Variants in LRRTM4 observed in about 807,000 individuals in gnomAD.
LRRTM4 encodes leucine rich repeat transmembrane neuronal 4.
In LRRTM4, 25 loss-of-function variants were observed where a neutral mutation model predicts 47.6. The observed-to-expected ratio is 0.53, with a 90% CI of 0.38 to 0.73. The LOEUF (loss-of-function observed/expected upper bound fraction) is 0.73. LRRTM4 is among the 30% of genes least tolerant of loss of function. The pLI is 0.00. For missense variants in LRRTM4, 638 were observed against 713.4 expected, an observed-to-expected ratio of 0.89 and a Z score of 1.20; for synonymous variants, 311 against 269.5, an observed-to-expected ratio of 1.15 and a Z score of -1.51.
intron 3 of LRRTM4, among the ~76,000 whole-genome samples, chr2:77,139,122 A>T (rs963901815): frequency 2.0e-5 from 3 of 152,278 alleles, no homozygotes; most frequent in African/African-American, 4.8e-5. Context: ...AACACATTTT[A>T]TGAGGCCAGC....
intron 3 of LRRTM4, among the ~76,000 whole-genome samples, chr2:77,191,107 T>C (rs1270333696): frequency 6.6e-6 from 1 of 152,160 alleles, no homozygotes; most frequent in Non-Finnish European, 1.5e-5. Flanking sequence ...ACTGTAAGTT[T>C]TTAAAAACAT....
At chr2:76,923,141 T>G (rs565214005) in intron 3 of LRRTM4, among the ~76,000 whole-genome samples, 17 of 152,122 alleles carry the variant, frequency 1.1e-4, no homozygotes, top group Non-Finnish European at 2.2e-4. Context: ...TGTCTTTGTA[T>G]GTCTTTGTAT....
intron 3 of LRRTM4, among the ~76,000 whole-genome samples, chr2:76,805,076 T>C (rs1675902547): frequency 1.3e-5 from 2 of 152,142 alleles, no homozygotes; most frequent in Non-Finnish European, 2.9e-5. Flanking sequence ...TCAAAACCTC[T>C]TGAAAAGCTA....
intron 3 of LRRTM4, among the ~76,000 whole-genome samples, chr2:77,175,204 G>C (rs146098026): frequency 0.012 from 1,893 of 151,760 alleles, 40 homozygotes; most frequent in African/African-American, 0.044. Flanking sequence ...AGAATAGCTA[G>C]GATTACAGGT....
At chr2:77,424,824 G>A (rs1175818382) in intron 3 of LRRTM4, among the ~76,000 whole-genome samples, 1 of 152,092 alleles carries the variant, frequency 6.6e-6, no homozygotes, top group African/African-American at 2.4e-5. Context: ...ACTATATTTG[G>A]CTATAGACCC....
intron 3 of LRRTM4, among the ~76,000 whole-genome samples, chr2:76,851,958 T>C (rs1039318462): frequency 1.3e-5 from 2 of 152,118 alleles, no homozygotes; most frequent in Admixed American, 6.6e-5. Context: ...TTTATGATTC[T>C]TGAGTTTTAA....
intron 3 of LRRTM4, among the ~76,000 whole-genome samples, chr2:76,865,791 T>A (rs1033898777): frequency 7.9e-5 from 12 of 152,190 alleles, no homozygotes; most frequent in Non-Finnish European, 1.6e-4. Context: ...ATTGTTATCA[T>A]CTGATGGCCC....
intron 3 of LRRTM4, among the ~76,000 whole-genome samples, chr2:76,887,860 G>C (rs1377198063): frequency 6.6e-6 from 1 of 150,902 alleles, no homozygotes; most frequent in Non-Finnish European, 1.5e-5. Flanking sequence ...AAATTGTCAA[G>C]ACCAATAAAG....
chr2:76,985,575 C>CTGCTGAAAGGATG (rs1319079392), intron 3 of LRRTM4, among the ~76,000 whole-genome samples: 1 of 151,914 alleles, frequency 6.6e-6, no homozygotes, highest in Non-Finnish European at 1.5e-5. Context: ...AAGTTGCTAG[C>CTGCTGAAAGGATG]TGCTGAAAGG....
At chr2:77,096,157 A>C (rs1226952989) in intron 3 of LRRTM4, among the ~76,000 whole-genome samples, 1 of 151,844 alleles carries the variant, frequency 6.6e-6, no homozygotes, top group Non-Finnish European at 1.5e-5. Context: ...TTTTTAATTA[A>C]AAATTAATAA....
intron 3 of LRRTM4, among the ~76,000 whole-genome samples, chr2:76,980,937 A>T (rs1248986317): frequency 4.6e-5 from 7 of 152,110 alleles, no homozygotes; most frequent in Non-Finnish European, 2.9e-5. Context: ...CTGATATTTA[A>T]GTGATCTTAT....
At chr2:77,459,051 A>G (rs1036274887) in intron 3 of LRRTM4, among the ~76,000 whole-genome samples, 2 of 152,102 alleles carry the variant, frequency 1.3e-5, no homozygotes, top group Non-Finnish European at 1.5e-5. Context: ...GAAAAACCTG[A>G]AATACATCAC....
intron 3 of LRRTM4, among the ~76,000 whole-genome samples, chr2:77,225,221 G>T: frequency 7.8e-6 from 1 of 127,684 alleles, no homozygotes; most frequent in Non-Finnish European, 1.6e-5. Context: ...TGTGGGGTGG[G>T]GGGAGGGGGG....
chr2:76,820,796 A>T (rs1274885826), intron 3 of LRRTM4, among the ~76,000 whole-genome samples: 1 of 151,766 alleles, frequency 6.6e-6, no homozygotes, highest in Admixed American at 6.6e-5. Context: ...TACTATAAAA[A>T]ACTGTGAATA....
chr2:77,161,436 C>A (rs1328061747), intron 3 of LRRTM4, among the ~76,000 whole-genome samples: 1 of 152,162 alleles, frequency 6.6e-6, no homozygotes, highest in Non-Finnish European at 1.5e-5. Flanking sequence ...GCAGTATCTC[C>A]CATCCTCCTG....
chr2:76,794,216 G>A (rs941195763), intron 3 of LRRTM4, among the ~76,000 whole-genome samples: 1 of 152,176 alleles, frequency 6.6e-6, no homozygotes, highest in Non-Finnish European at 1.5e-5. Flanking sequence ...ATAGCTTATT[G>A]AATCAGACCT....
At chr2:77,229,487 C>A (rs1415204003) in intron 3 of LRRTM4, among the ~76,000 whole-genome samples, 4 of 152,020 alleles carry the variant, frequency 2.6e-5, no homozygotes, top group Non-Finnish European at 5.9e-5. Context: ...TGTAACGTTG[C>A]GTCTCAAGTC....
intron 3 of LRRTM4, among the ~76,000 whole-genome samples, chr2:77,349,884 A>T (rs1398317260): frequency 6.6e-6 from 1 of 152,144 alleles, no homozygotes; most frequent in African/African-American, 2.4e-5. Context: ...TAGCTAGGAG[A>T]ATATAATATT....
At chr2:77,181,405 G>A (rs1673343299) in intron 3 of LRRTM4, among the ~76,000 whole-genome samples, 2 of 152,060 alleles carry the variant, frequency 1.3e-5, no homozygotes, top group South Asian at 2.1e-4. Context: ...TCCCATCCCA[G>A]GTCTAAGGAT....
Sources: gnomAD v4.1 joint callset for allele counts (sites outside exome capture counted in the v4.1 genomes callset) on GRCh38, gnomAD v4.1.1 for gene constraint, MANE v1.5 for transcripts, NCBI Gene and HGNC (gene_info 2026-07-23, HGNC 2026-07-21) for gene names.